The following TRHR variants were observed in gnomAD, a reference collection of about 807,000 sequenced individuals.
The protein encoded by TRHR is thyrotropin-releasing hormone receptor.
Under a neutral mutation model 28.0 loss-of-function variants are expected in TRHR, and 14 were observed. The ratio of observed to expected loss-of-function variants is 0.50; its 90% CI spans 0.33 to 0.78. The LOEUF (loss-of-function observed/expected upper bound fraction) is 0.78, where lower values mean the gene tolerates loss of function less well. TRHR is among the 30% of genes least tolerant of loss of function. The pLI is 0.02. For missense variants in TRHR, 438 were observed against 469.5 expected (o/e 0.93, Z 0.62); for synonymous variants, 176 against 171.9 (o/e 1.02, Z -0.18).
At chr8:109,097,032 T>C (rs112063423) in intron 2 of TRHR, among the ~76,000 whole-genome samples, 5,822 of 152,294 alleles carry the variant, frequency 0.038, 120 homozygotes, top group Middle Eastern at 0.065. Context: ...GTGATTGTGT[T>C]AGTGGAGAAG....
intron 2 of TRHR, among the ~76,000 whole-genome samples, chr8:109,094,932 A>G (rs28499085): frequency 0.25 from 37,946 of 151,746 alleles, 5,032 homozygotes; most frequent in East Asian, 0.44. Flanking sequence ...TAATTCTTCA[A>G]CATGCACACA....
Position 109,087,950 on chromosome 8 carries a change from C to T in TRHR, c.438C>T (p.Ile146=), listed in dbSNP as rs1389674773. The stretch of plus-strand genomic sequence containing the variant: ...CATTTTCCAGAGCCAAAAAGATTAT[C>T]ATCTTTGTCTGGGCTTTCACATCTC... ...LCTFSRAKKI[I]IFVWAFTSLY... is the part of the protein sequence containing the mutation. The change falls in exon 2 of 3, where the codon ATC becomes ATT. Residue 146 remains isoleucine (I), a synonymous_variant. Coordinates refer to ENST00000518632, the MANE Select transcript of TRHR (RefSeq NM_003301.7). 2.5e-6 allele frequency: 4 copies of T among 1,614,126 alleles called. No homozygotes were observed. Among genetic ancestry groups the T allele is most frequent in the Non-Finnish European group, 3.4e-6 (4 of 1,180,034 alleles).
chr8:109,103,193 C>G (rs926170645), intron 2 of TRHR, among the ~76,000 whole-genome samples: 39 of 152,158 alleles, frequency 2.6e-4, no homozygotes, highest in African/African-American at 7.7e-4. Context: ...AGTAATAACT[C>G]TGTTCTCACA....
At chr8:109,100,823 G>A (rs1811669276) in intron 2 of TRHR, among the ~76,000 whole-genome samples, 1 of 152,152 alleles carries the variant, frequency 6.6e-6, no homozygotes, top group Non-Finnish European at 1.5e-5. Context: ...GCTGAGCATT[G>A]TGGATTCACA....
intron 2 of TRHR, among the ~76,000 whole-genome samples, chr8:109,098,321 G>C (rs764489820): frequency 1.3e-5 from 2 of 151,468 alleles, no homozygotes; most frequent in African/African-American, 4.9e-5. Flanking sequence ...GTATAAAGAC[G>C]AGGTCTCACT....
At chr8:109,098,897 C>T (rs954937921) in intron 2 of TRHR, among the ~76,000 whole-genome samples, 4 of 152,026 alleles carry the variant, frequency 2.6e-5, no homozygotes, top group East Asian at 3.9e-4. Context: ...ACCATTTTGC[C>T]GTTAATAATT....
intron 2 of TRHR, among the ~76,000 whole-genome samples, chr8:109,104,947 C>A (rs1811727352): frequency 6.6e-6 from 1 of 152,038 alleles, no homozygotes; most frequent in African/African-American, 2.4e-5. Context: ...TAGAAACACC[C>A]CATCTCTTGA....
In TRHR at chr8:109,121,434, G is replaced by A. The variant is rs1328919269; in HGVS notation, c.*1979G>A. 6.6e-6 allele frequency among the ~76,000 whole-genome samples: 1 copy of A among 151,676 alleles called. No homozygotes were observed. Among genetic ancestry groups the A allele is most frequent in the Non-Finnish European group, 1.5e-5 (1 of 67,780 alleles). On this transcript the variant is annotated 3_prime_UTR_variant, in exon 3 of 3. Coordinates refer to ENST00000518632, the MANE Select transcript of TRHR (RefSeq NM_003301.7). ...TGAGCATCGACTATGTCTCAGGTAT[G>A]CTGGTAGGTAGTCAATCAACATTAT...
At chr8:109,086,968 A>G (rs941759735) in intron 1 of TRHR, 85 bp downstream of exon 1, 4 of 161,956 alleles carry the variant, frequency 2.5e-5, no homozygotes, top group Admixed American at 1.8e-4. Context: ...ATTTTATACC[A>G]AAGACATCTC....
At chr8:109,112,642 G>A (rs1187755478) in intron 2 of TRHR, among the ~76,000 whole-genome samples, 2 of 152,060 alleles carry the variant, frequency 1.3e-5, no homozygotes, top group African/African-American at 2.4e-5. Context: ...TGATTCCATA[G>A]TTACCAATGA....
At chr8:109,091,883 T>C (rs1471566218) in intron 2 of TRHR, among the ~76,000 whole-genome samples, 1 of 152,218 alleles carries the variant, frequency 6.6e-6, no homozygotes, top group African/African-American at 2.4e-5. Flanking sequence ...GGAGACATTG[T>C]TTAAATTATC....
At chr8:109,110,524 A>T (rs186289807) in intron 2 of TRHR, among the ~76,000 whole-genome samples, 6 of 152,108 alleles carry the variant, frequency 3.9e-5, no homozygotes, top group African/African-American at 1.4e-4. Context: ...TTTTAATCAG[A>T]ATAGAGCCCA....
intron 2 of TRHR, among the ~76,000 whole-genome samples, chr8:109,098,178 G>A (rs186102480): frequency 5.1e-4 from 77 of 151,430 alleles, no homozygotes; most frequent in Non-Finnish European, 1.0e-3. Context: ...CACTCAGGTT[G>A]GGGTGCAGTG....
chr8:109,093,400 C>CCTT (rs1811542774), intron 2 of TRHR, among the ~76,000 whole-genome samples: 1 of 77,394 alleles, frequency 1.3e-5, no homozygotes, highest in Non-Finnish European at 2.3e-5. Context: ...GTGCTATTTA[C>CCTT]TTTTTTTTTT....
intron 2 of TRHR, among the ~76,000 whole-genome samples, chr8:109,111,109 A>G (rs1811825566): frequency 6.6e-6 from 1 of 152,066 alleles, no homozygotes; most frequent in Non-Finnish European, 1.5e-5. Context: ...CCGAGATCAC[A>G]CCACTGCACT....
chr8:109,116,841 G>A (rs1445452345), intron 2 of TRHR, among the ~76,000 whole-genome samples: 1 of 151,952 alleles, frequency 6.6e-6, no homozygotes, highest in Non-Finnish European at 1.5e-5. Context: ...TACCCTGAAG[G>A]AGTTTACTAT....
chr8:109,088,155 G>A lies in TRHR; in HGVS notation c.643G>A (p.Ala215Thr), dbSNP rs971567008. Reference protein sequence around the residue: ...ILATVLYGFIARILFLNPIPS... With the variant: ...ILATVLYGFITRILFLNPIPS... ...GGCTACCGTCCTCTATGGATTCATA[G>A]CTAGAATCCTTTTCTTAAATCCCAT... is the stretch of plus-strand genomic sequence containing the variant. Residue 215 changes from alanine to threonine, a missense_variant, in exon 2 of 3, where the codon GCT becomes ACT. By Grantham distance (58) the Ala-to-Thr change is moderately conservative (BLOSUM62 0). Transcript: ENST00000518632. 3 of 1,614,022 alleles carry A rather than the reference G, an allele frequency of 1.9e-6. No individual in the cohort carries two copies.
intron 2 of TRHR, among the ~76,000 whole-genome samples, chr8:109,097,197 T>C (rs1241738140): frequency 6.6e-6 from 1 of 152,082 alleles, no homozygotes; most frequent in African/African-American, 2.4e-5. Flanking sequence ...ACAGAAGGCA[T>C]AGAGAGGCAG....
Position 109,087,726 on chromosome 8 carries a change from C to A in TRHR, c.214C>A (p.Leu72Ile). Residue 72 changes from leucine (L) to isoleucine (I), a missense_variant, in exon 2 of 3, where the codon CTC becomes ATC. Physicochemically the swap from Leu to Ile is conservative, Grantham distance 5. Transcript: ENST00000518632. ...CCTGGTGAGCCTGGCAGTAGCTGAT[C>A]TCATGGTCTTGGTGGCCGCAGGCCT... ...CYLVSLAVAD[L>I]MVLVAAGLPN... 6.2e-7 allele frequency: 1 copy of A among 1,614,158 alleles called. No homozygotes were observed. Among genetic ancestry groups the A allele is most frequent in the South Asian group, 1.1e-5 (1 of 91,082 alleles).
Sources: gnomAD v4.1 joint callset for allele counts (sites outside exome capture counted in the v4.1 genomes callset) on GRCh38, gnomAD v4.1.1 for gene constraint, MANE v1.5 for transcripts, NCBI Gene and HGNC (gene_info 2026-07-23, HGNC 2026-07-21) for gene names.